Variants in MTSS1 observed in about 807,000 individuals in gnomAD.
The protein encoded by MTSS1 is MTSS I-BAR domain containing 1, also known as protein MTSS 1.
In MTSS1, 18 loss-of-function variants were observed where a neutral mutation model predicts 79.0. The ratio of observed to expected loss-of-function variants is 0.23; its 90% CI spans 0.16 to 0.34. The LOEUF (loss-of-function observed/expected upper bound fraction) is 0.34, where lower values mean the gene tolerates loss of function less well. Among genes scored for constraint, MTSS1 ranks in the 10% least tolerant of loss-of-function variants. The pLI is 1.00. For missense variants in MTSS1, 815 were observed against 986.2 expected (o/e 0.83, Z 2.33); for synonymous variants, 341 against 368.6 (o/e 0.93, Z 0.86).
At chr8:124,653,485 A>G (rs1820372629) in intron 3 of MTSS1, among the ~76,000 whole-genome samples, 1 of 152,252 alleles carries the variant, frequency 6.6e-6, no homozygotes, top group South Asian at 2.1e-4. Flanking sequence ...GCACTTTGGG[A>G]GGCCAAGGCG....
intron 3 of MTSS1, among the ~76,000 whole-genome samples, chr8:124,632,411 G>A (rs571413320): frequency 5.8e-4 from 88 of 151,978 alleles, no homozygotes; most frequent in Non-Finnish European, 8.1e-4. Flanking sequence ...TGCTTTGGGA[G>A]GCCAAAGCAG....
At chr8:124,623,381 G>A (rs7820657) in intron 3 of MTSS1, among the ~76,000 whole-genome samples, 2,523 of 152,214 alleles carry the variant, frequency 0.017, 46 homozygotes, top group Middle Eastern at 0.041. Context: ...AAAAATTATT[G>A]GAAAATGTGG....
At chr8:124,671,155 T>C (rs1824119879) in intron 3 of MTSS1, among the ~76,000 whole-genome samples, 1 of 152,040 alleles carries the variant, frequency 6.6e-6, no homozygotes, top group African/African-American at 2.4e-5. Context: ...ACATCCACCA[T>C]GACAGGCTAG....
At chr8:124,708,395 T>C (rs1430246411) in intron 1 of MTSS1, among the ~76,000 whole-genome samples, 2 of 152,204 alleles carry the variant, frequency 1.3e-5, no homozygotes, top group Non-Finnish European at 2.9e-5. Flanking sequence ...CTGTAAAGTC[T>C]AAGTCAGACT....
chr8:124,686,206 G>C (rs1200190919), intron 3 of MTSS1, among the ~76,000 whole-genome samples: 2 of 152,210 alleles, frequency 1.3e-5, no homozygotes, highest in Non-Finnish European at 2.9e-5. Context: ...GGGGCCTGCA[G>C]CCGCCTCCCC....
Position 124,727,809 on chromosome 8 carries a change from C to T in MTSS1, c.72+75G>A. ...GCAGGGAAGGGCCGGGTGCCCGGCC[C>T]GGGGTGGAGGCGAAGCGCGGCGGCG... is the stretch of plus-strand genomic sequence containing the variant. On this transcript the variant is annotated intron_variant, in intron 1 of 13. Coordinates refer to ENST00000518547, the MANE Select transcript of MTSS1 (RefSeq NM_014751.6). The surrounding 1 kb of genome is among the most constrained non-coding windows in gnomAD (Gnocchi z 4.7). 1.5e-6 allele frequency: 2 copies of T among 1,331,710 alleles called. No homozygotes were observed. Among genetic ancestry groups the T allele is most frequent in the Non-Finnish European group, 9.9e-7 (1 of 1,010,844 alleles). The allele number at this position is 1,331,710 out of a possible 1,614,324, so 82.5% of individuals were successfully genotyped here. A position where few individuals can be genotyped will look rare whatever the true frequency, so the allele number is the denominator to read the frequency against.
chr8:124,562,606 A>G (rs952157761), intron 10 of MTSS1, among the ~76,000 whole-genome samples, 176 bp downstream of exon 10: 1 of 152,212 alleles, frequency 6.6e-6, no homozygotes, highest in Non-Finnish European at 1.5e-5. Context: ...AAACCCACTT[A>G]TAGCACCTCT....
intron 5 of MTSS1, among the ~76,000 whole-genome samples, chr8:124,586,227 C>CT (rs1830830951): frequency 6.6e-6 from 1 of 152,186 alleles, no homozygotes. Flanking sequence ...GCAGCCAGCT[C>CT]TGAGGTTTCC....
chr8:124,642,374 C>G (rs1211835106), intron 3 of MTSS1, among the ~76,000 whole-genome samples: 1 of 152,128 alleles, frequency 6.6e-6, no homozygotes, highest in Non-Finnish European at 1.5e-5. Flanking sequence ...AGAAAAACAT[C>G]TCCATTTTCA....
At chr8:124,616,094 AG>A (rs1269955809) in intron 3 of MTSS1, among the ~76,000 whole-genome samples, 2 of 152,234 alleles carry the variant, frequency 1.3e-5, no homozygotes, top group Non-Finnish European at 2.9e-5. Context: ...CAAGAGTGCA[AG>A]TTCATGATGC....
At position 124,609,493 on chromosome 8, in the gene MTSS1, T is replaced by C. The variant is rs79405068; in HGVS notation, c.209-18258A>G. 1.5e-3 allele frequency among the ~76,000 whole-genome samples: 223 copies of C among 152,280 alleles called. 1 individual carries two copies. Among genetic ancestry groups the C allele is most frequent in the African/African-American group, 4.9e-3 (203 of 41,560 alleles). On this transcript the variant is annotated intron_variant, in intron 3 of 13. Transcript: ENST00000518547. ...TCACGTAACCTTCAGAGTGACTTGG[T>C]ATAAAAAGGTGGGCAAGGAGTAAGC...
chr8:124,650,651 T>C (rs1246801706), intron 3 of MTSS1, among the ~76,000 whole-genome samples: 6 of 152,222 alleles, frequency 3.9e-5, no homozygotes, highest in Admixed American at 3.3e-4. Context: ...CCTGCATTAA[T>C]GCAACTGATC....
At chr8:124,684,108 C>CT (rs150784062) in intron 3 of MTSS1, among the ~76,000 whole-genome samples, 2 of 152,070 alleles carry the variant, frequency 1.3e-5, no homozygotes, top group African/African-American at 4.8e-5. Context: ...TTCTTTATTT[C>CT]TTTTTTTCTA....
At chr8:124,704,342 C>A in intron 1 of MTSS1, 151 bp from the exon 2 acceptor site, 1 of 693,604 alleles carries the variant, frequency 1.4e-6, no homozygotes, top group East Asian at 2.6e-5. Flanking sequence ...ATTCTATATA[C>A]ATGTATTGGC....
At chr8:124,555,971 G>GCC in intron 12 of MTSS1, 67 bp from the exon 13 acceptor site, 1 of 1,577,876 alleles carries the variant, frequency 6.3e-7, no homozygotes, top group East Asian at 2.3e-5. Flanking sequence ...CTCCTGTTCT[G>GCC]CCCCCGTGAG....
In MTSS1 at chr8:124,568,816, C is replaced by G. The variant is rs1209214873; in HGVS notation, c.461-280G>C. On this transcript the variant is annotated intron_variant, in intron 6 of 13. Transcript: ENST00000518547. ...ACTTGCCTTCTCACACTGCACAACCCCCACCAACTCTTCTGCCAACACAAC... is the reference window on the plus strand; with the variant it reads ...ACTTGCCTTCTCACACTGCACAACCGCCACCAACTCTTCTGCCAACACAAC... The G allele has an allele frequency of 2.8e-6, 4 of 1,440,508 alleles. No homozygotes were observed. The Admixed American group carries it at 1.1e-4, about 41-fold the overall frequency. 89.2% of individuals were successfully genotyped at this position (1,440,508 alleles called of 1,614,324 possible). A position where few individuals can be genotyped will look rare whatever the true frequency, so the allele number is the denominator to read the frequency against.
rs141629462 is a variant in MTSS1 at position 124,674,988 on chromosome 8, C to A, written c.208+24538G>T. ...CCACCCACCTCAGCCTCCCAAAATG[C>A]TGGGATTACAGGCATGAGCCACCAT... On this transcript the variant is annotated intron_variant, in intron 3 of 13. Transcript: ENST00000518547. Among the ~76,000 whole-genome samples, 810 of 152,318 alleles carry A rather than the reference C, an allele frequency of 5.3e-3. 2 individuals carry two copies. Among genetic ancestry groups the A allele is most frequent in the Non-Finnish European group, 8.8e-3 (602 of 68,030 alleles).
At chr8:124,557,522 T>TC (rs574523730) in intron 11 of MTSS1, among the ~76,000 whole-genome samples, 159 bp downstream of exon 11, 2 of 151,932 alleles carry the variant, frequency 1.3e-5, no homozygotes, top group Non-Finnish European at 2.9e-5. Flanking sequence ...TTTCTGCTTC[T>TC]CCCCCAATGG....
intron 3 of MTSS1, among the ~76,000 whole-genome samples, chr8:124,611,295 G>T (rs949405293): frequency 2.0e-5 from 3 of 152,206 alleles, no homozygotes; most frequent in Non-Finnish European, 4.4e-5. Flanking sequence ...TGGGGGGATT[G>T]CTGGGTAAGT....
Sources: gnomAD v4.1 joint callset for allele counts (sites outside exome capture counted in the v4.1 genomes callset) on GRCh38, gnomAD v4.1.1 for gene constraint, Gnocchi (gnomAD v3.1) non-coding constraint, MANE v1.5 for transcripts, NCBI Gene and HGNC (gene_info 2026-07-23, HGNC 2026-07-21) for gene names.